Variants in KATNIP observed in about 807,000 individuals in gnomAD.
KATNIP encodes the protein katanin interacting protein, also known as katanin-interacting protein.
Under a neutral mutation model 174.0 loss-of-function variants are expected in KATNIP, and 126 were observed. That is an observed-to-expected ratio of 0.72 (90% CI 0.63 to 0.84). The LOEUF is 0.84. Ranked by LOEUF, KATNIP falls within the 40% of genes least tolerant of loss-of-function variation. The pLI is 0.00. For missense variants in KATNIP, 1,958 were observed against 2,109.7 expected, an observed-to-expected ratio of 0.93 and a Z score of 1.41; for synonymous variants, 810 against 835.7, an observed-to-expected ratio of 0.97 and a Z score of 0.53.
intron 2 of KATNIP, among the ~76,000 whole-genome samples, chr16:27,617,303 G>GT (rs1186825718): frequency 6.6e-5 from 10 of 152,080 alleles, no homozygotes; most frequent in Non-Finnish European, 1.3e-4. Context: ...GGATATGCTG[G>GT]TTTTTTTTAT....
intron 7 of KATNIP, 136 bp downstream of exon 7, chr16:27,678,132 T>G (rs1446432087): frequency 2.1e-6 from 2 of 972,840 alleles, no homozygotes; most frequent in Non-Finnish European, 1.5e-6. Context: ...ATCAGTCAGG[T>G]CTCTGTTGAT....
At chr16:27,687,968 C>G (rs1165210879) in intron 8 of KATNIP, among the ~76,000 whole-genome samples, 1 of 152,210 alleles carries the variant, frequency 6.6e-6, no homozygotes, top group Non-Finnish European at 1.5e-5. Context: ...AGGAGAATGT[C>G]TTGCTCACAG....
Position 27,701,683 on chromosome 16 carries a change from T to G in KATNIP, c.1274T>G (p.Leu425Arg). The change falls in exon 11 of 28, where the codon CTT becomes CGT. Residue 425 changes from leucine (L) to arginine (R), a missense_variant. Leu to Arg is a moderately radical substitution (Grantham distance 102). Around this residue, in one of 3 missense-constraint regions of KATNIP, gnomAD observed 1,557 missense variants for 1,617.8 expected, o/e 0.96. Transcript: ENST00000261588. ...AACCAGGCCATGGACAGAATTGGGCTTCTGGGAAGCAGGTACTACTAAGGC... is the reference window on the plus strand; with the variant it reads ...AACCAGGCCATGGACAGAATTGGGCGTCTGGGAAGCAGGTACTACTAAGGC... ...AINQAMDRIG[L>R]LGSRQQQKLL... is the part of the protein sequence containing the mutation. 6.2e-7 allele frequency: 1 copy of G among 1,601,556 alleles called. No homozygotes were observed. Among genetic ancestry groups the G allele is most frequent in the Non-Finnish European group, 8.5e-7 (1 of 1,174,338 alleles).
chr16:27,599,504 C>T (rs540405646), intron 2 of KATNIP, among the ~76,000 whole-genome samples: 55 of 152,272 alleles, frequency 3.6e-4, no homozygotes, highest in South Asian at 1.2e-3. Context: ...ATGAATGGTG[C>T]CCCGTCCCTC....
At chr16:27,594,709 G>A (rs1326248601) in intron 2 of KATNIP, among the ~76,000 whole-genome samples, 1 of 152,102 alleles carries the variant, frequency 6.6e-6, no homozygotes, top group East Asian at 1.9e-4. Context: ...CACCTTAGCT[G>A]CCCAAAGTGC....
At chr16:27,686,339 G>A (rs1400761467) in intron 8 of KATNIP, among the ~76,000 whole-genome samples, 1 of 152,112 alleles carries the variant, frequency 6.6e-6, no homozygotes, top group Non-Finnish European at 1.5e-5. Flanking sequence ...ATCATTATGT[G>A]TTGTTTCTCA....
chr16:27,723,987 C>T (rs1389410836), intron 14 of KATNIP, among the ~76,000 whole-genome samples: 9 of 152,238 alleles, frequency 5.9e-5, no homozygotes, highest in Non-Finnish European at 2.9e-5. Flanking sequence ...CACAGTGCTG[C>T]CCAGAGCTTT....
rs1169020321 is a variant in KATNIP at position 27,773,158 on chromosome 16, G to T, written c.4258G>T (p.Gly1420Cys). The T allele has an allele frequency of 6.2e-7, 1 of 1,612,712 alleles. No homozygotes were observed. Among genetic ancestry groups the T allele is most frequent in the East Asian group, 2.2e-5 (1 of 44,886 alleles). Residue 1420 changes from glycine (G) to cysteine (C), a missense_variant, in exon 23 of 28, where the codon GGC (glycine) becomes TGC (cysteine). Gly to Cys is a radical substitution (Grantham distance 159). This residue lies in a region of KATNIP where 383 missense variants were observed against 456.0 expected (regional missense o/e 0.84). Coordinates refer to ENST00000261588, the MANE Select transcript of KATNIP (RefSeq NM_015202.5). ...CGACCCCTACTACATCGGCCTCACC[G>T]GCCTGGAGCTGTATGACGAGCGAGG... ...WGDPYYIGLT[G>C]LELYDERGEK...
intron 1 of KATNIP, among the ~76,000 whole-genome samples, chr16:27,555,725 A>G (rs2089593535): frequency 6.6e-6 from 1 of 152,120 alleles, no homozygotes; most frequent in Non-Finnish European, 1.5e-5. Flanking sequence ...AATCCCAGCC[A>G]CTTGGGGGGC....
chr16:27,706,451 G>T (rs1232897275), intron 12 of KATNIP, among the ~76,000 whole-genome samples: 1 of 152,156 alleles, frequency 6.6e-6, no homozygotes, highest in Non-Finnish European at 1.5e-5. Context: ...GCTGAGAAAA[G>T]AGACGCCGTG....
intron 6 of KATNIP, among the ~76,000 whole-genome samples, chr16:27,650,893 TA>T (rs2077101170): frequency 6.6e-6 from 1 of 152,230 alleles, no homozygotes; most frequent in Non-Finnish European, 1.5e-5. Context: ...TTATTACCTT[TA>T]AAACTCAAAT....
At chr16:27,631,338 G>A (rs1268712170) in intron 5 of KATNIP, 176 bp downstream of exon 5, 13 of 559,164 alleles carry the variant, frequency 2.3e-5, no homozygotes, top group Non-Finnish European at 3.8e-5. Context: ...CCAGAAGTTC[G>A]AGACCAGCTT....
chr16:27,683,606 G>T (rs1391315873), intron 8 of KATNIP, among the ~76,000 whole-genome samples: 1 of 152,194 alleles, frequency 6.6e-6, no homozygotes, highest in Non-Finnish European at 1.5e-5. Context: ...TAGGGGAAAA[G>T]AGCCAAATAG....
At chr16:27,681,338 G>T in intron 7 of KATNIP, 61 bp from the exon 8 acceptor site, 2 of 1,600,508 alleles carry the variant, frequency 1.2e-6, no homozygotes, top group South Asian at 2.2e-5. Flanking sequence ...ACAAATGCCT[G>T]AACAGAATGC....
intron 22 of KATNIP, among the ~76,000 whole-genome samples, chr16:27,772,093 A>G (rs889130387): frequency 9.9e-5 from 15 of 152,278 alleles, no homozygotes; most frequent in Non-Finnish European, 1.6e-4. Context: ...CCTGGGCAAC[A>G]TAATGAGACT....
At position 27,751,937 on chromosome 16, in the gene KATNIP, C is replaced by A; in HGVS notation, c.3552+13C>A. The stretch of plus-strand genomic sequence containing the variant: ...GGCTGATGAACGGGTAGGACTGGAG[C>A]TGGGGGGCTGTGGGGGGACCCCCAG... On this transcript the variant is annotated intron_variant, in intron 17 of 27. Coordinates refer to ENST00000261588, the MANE Select transcript of KATNIP (RefSeq NM_015202.5). The A allele has an allele frequency of 6.3e-7, 1 of 1,590,328 alleles. No individual in the cohort carries two copies. Among genetic ancestry groups the A allele is most frequent in the Non-Finnish European group, 8.5e-7 (1 of 1,170,622 alleles).
At chr16:27,570,628 T>C (rs2141676821) in intron 1 of KATNIP, among the ~76,000 whole-genome samples, 1 of 152,106 alleles carries the variant, frequency 6.6e-6, no homozygotes, top group Middle Eastern at 3.4e-3. Flanking sequence ...CATGCAAGAA[T>C]TGGGCTGAGT....
intron 6 of KATNIP, among the ~76,000 whole-genome samples, chr16:27,662,219 C>T (rs1277137961): frequency 1.3e-5 from 2 of 150,732 alleles, no homozygotes; most frequent in African/African-American, 4.9e-5. Flanking sequence ...CAGGCATGAG[C>T]CACCATGCCC....
At chr16:27,739,234 G>A (rs1282613705) in intron 14 of KATNIP, among the ~76,000 whole-genome samples, 1 of 152,080 alleles carries the variant, frequency 6.6e-6, no homozygotes, top group African/African-American at 2.4e-5. Flanking sequence ...GGATTGGATG[G>A]GCAAGTGAGA....
Sources: gnomAD v4.1 joint callset for allele counts (sites outside exome capture counted in the v4.1 genomes callset) on GRCh38, gnomAD v4.1.1 for gene constraint, gnomAD v4.1.1 regional missense constraint, MANE v1.5 for transcripts, NCBI Gene and HGNC (gene_info 2026-07-23, HGNC 2026-07-21) for gene names.